FAF2: variants seen among roughly 807,000 people sequenced by gnomAD.
FAF2 encodes the protein Fas associated factor family member 2, also known as FAS-associated factor 2.
Under a neutral mutation model 62.3 loss-of-function variants are expected in FAF2, and 9 were observed. That is an observed-to-expected ratio of 0.14 (90% CI 0.09 to 0.25). The LOEUF is 0.25. Ranked by LOEUF, FAF2 falls within the 10% of genes least tolerant of loss-of-function variation. The pLI is 1.00. For missense variants in FAF2, 368 were observed against 556.2 expected (o/e 0.66, Z 3.40); for synonymous variants, 202 against 198.0 (o/e 1.02, Z -0.17).
chr5:176,470,069 T>C (rs1169320753), intron 1 of FAF2, among the ~76,000 whole-genome samples: 1 of 152,194 alleles, frequency 6.6e-6, no homozygotes, highest in African/African-American at 2.4e-5. Context: ...TCAGCATGCA[T>C]ACAGTCTAGA....
intron 1 of FAF2, among the ~76,000 whole-genome samples, chr5:176,463,412 T>C (rs1459951590): frequency 6.6e-6 from 1 of 151,944 alleles, no homozygotes; most frequent in Non-Finnish European, 1.5e-5. Flanking sequence ...TAATGAAAGA[T>C]AATTTATTTG....
chr5:176,455,125 G>T (rs1175823476), intron 1 of FAF2, among the ~76,000 whole-genome samples: 4 of 152,172 alleles, frequency 2.6e-5, no homozygotes, highest in Non-Finnish European at 5.9e-5. Context: ...AACTGTAAAT[G>T]ACTTAGGGAG....
intron 3 of FAF2, among the ~76,000 whole-genome samples, chr5:176,487,710 T>C (rs905050875): frequency 6.6e-6 from 1 of 152,218 alleles, no homozygotes; most frequent in Non-Finnish European, 1.5e-5. Context: ...GCATTATTAC[T>C]AAGATAAGCA....
intron 2 of FAF2, 142 bp from the exon 3 acceptor site, chr5:176,486,213 C>G (rs1005180365): frequency 1.1e-6 from 1 of 933,280 alleles, no homozygotes; most frequent in African/African-American, 1.7e-5. Flanking sequence ...GTTAACAGGC[C>G]CATGAAGGTG....
chr5:176,494,363 G>A lies in FAF2; in HGVS notation c.661+88G>A, dbSNP rs1759026025. 2.6e-6 allele frequency: 3 copies of A among 1,136,440 alleles called. No homozygotes were observed. The highest frequency in any genetic ancestry group is 4.0e-6 in the Non-Finnish European group (3 of 748,366). 70.4% of individuals were successfully genotyped at this position (1,136,440 alleles called of 1,614,324 possible). A position where few individuals can be genotyped will look rare whatever the true frequency, so the allele number is the denominator to read the frequency against. ...ACATGCCATGCCATTTATTACAAGT[G>A]TGTTTGTTCTGTGGTAGATACGACG... On this transcript the variant is annotated intron_variant, in intron 7 of 10. Transcript: ENST00000261942. The surrounding 1 kb of genome is among the most constrained non-coding windows in gnomAD (Gnocchi z 4.0).
Position 176,494,398 on chromosome 5 carries a change from AT to A in FAF2, c.661+127del. ...TGTGGTAGATACGACGCTAGTTGCT[AT>A]TTTATATTGTCTCATTTAATCCTCT... On this transcript the variant is annotated intron_variant, in intron 7 of 10. Coordinates refer to ENST00000261942, the MANE Select transcript of FAF2 (RefSeq NM_014613.3). The surrounding 1 kb of genome is among the most constrained non-coding windows in gnomAD (Gnocchi z 4.0). The A allele has an allele frequency of 1.3e-6, 1 of 780,440 alleles. No individual in the cohort carries two copies. The highest frequency in any genetic ancestry group is 2.2e-6 in the Non-Finnish European group (1 of 449,398). 48.3% of individuals were successfully genotyped at this position (780,440 alleles called of 1,614,324 possible).
Position 176,494,896 on chromosome 5 carries a change from C to T in FAF2, c.661+621C>T, listed in dbSNP as rs1162282008. 6.6e-6 allele frequency among the ~76,000 whole-genome samples: 1 copy of T among 152,164 alleles called. No individual in the cohort carries two copies. The highest frequency in any genetic ancestry group is 1.9e-4 in the East Asian group (1 of 5,196). On this transcript the variant is annotated intron_variant, in intron 7 of 10. Coordinates refer to ENST00000261942, the MANE Select transcript of FAF2 (RefSeq NM_014613.3). The surrounding 1 kb of genome is among the most constrained non-coding windows in gnomAD (Gnocchi z 4.0). ...GTCGGGTCTGCCAGATTCTAAAGCC[C>T]GTTCTTCACATTCAGCATTGCCAAA... is the stretch of plus-strand genomic sequence containing the variant.
chr5:176,498,604 G>T (rs995970331), intron 8 of FAF2, among the ~76,000 whole-genome samples: 15 of 152,178 alleles, frequency 9.9e-5, no homozygotes, highest in Non-Finnish European at 1.6e-4. Flanking sequence ...TGTAAAATAT[G>T]ATATTGATGA....
intron 10 of FAF2, 145 bp downstream of exon 10, chr5:176,500,291 A>T: frequency 1.3e-6 from 1 of 796,826 alleles, no homozygotes; most frequent in Non-Finnish European, 2.0e-6. Context: ...TGGGTATGCC[A>T]TCCGTGGACA....
intron 3 of FAF2, 106 bp from the exon 4 acceptor site, chr5:176,488,844 AC>A (rs1758920517): frequency 1.2e-6 from 1 of 839,344 alleles, no homozygotes; most frequent in Non-Finnish European, 2.0e-6. Context: ...CTTTAGAGGA[AC>A]AAATCACATG....
intron 1 of FAF2, 118 bp downstream of exon 1, chr5:176,448,588 C>G: frequency 9.7e-7 from 1 of 1,032,168 alleles, no homozygotes; most frequent in Admixed American, 2.8e-5. Flanking sequence ...CAGGCCGGCC[C>G]CCTCCCCCCC....
At chr5:176,457,212 G>T (rs982500554) in intron 1 of FAF2, among the ~76,000 whole-genome samples, 2 of 151,892 alleles carry the variant, frequency 1.3e-5, no homozygotes, top group African/African-American at 4.8e-5. Flanking sequence ...TTTTTGAGAC[G>T]GAGTTTCGCT....
chr5:176,477,817 G>C (rs1319654365), intron 1 of FAF2, among the ~76,000 whole-genome samples: 1 of 152,156 alleles, frequency 6.6e-6, no homozygotes, highest in Non-Finnish European at 1.5e-5. Context: ...CCTGTCCGTG[G>C]CCATGGGGTG....
chr5:176,449,400 C>T (rs1028468866), intron 1 of FAF2, among the ~76,000 whole-genome samples: 1 of 152,312 alleles, frequency 6.6e-6, no homozygotes, highest in Middle Eastern at 3.4e-3. Flanking sequence ...TATGGTGAAA[C>T]CCCGTCTCTA....
In FAF2 at chr5:176,507,079, A is replaced by AT. The variant is rs906872435; in HGVS notation, c.*137dup. On this transcript the variant is annotated 3_prime_UTR_variant, in exon 11 of 11. Transcript: ENST00000261942. ...ATTATTATTATTATTATAATACAAT[A>AT]TTTTTTTTAAAAGACTGCTGCATCC... The AT allele has an allele frequency of 6.3e-5, 33 of 521,942 alleles. No individual in the cohort carries two copies. The highest frequency in any genetic ancestry group is 9.8e-5 in the Admixed American group (2 of 20,480). 32.3% of individuals were successfully genotyped at this position (521,942 alleles called of 1,614,324 possible).
At chr5:176,457,283 G>C (rs565618008) in intron 1 of FAF2, among the ~76,000 whole-genome samples, 8 of 152,228 alleles carry the variant, frequency 5.3e-5, no homozygotes, top group Non-Finnish European at 1.0e-4. Context: ...TTGTCTCCCA[G>C]GTTCAAGTGA....
intron 1 of FAF2, among the ~76,000 whole-genome samples, chr5:176,451,399 C>T (rs1461515767): frequency 5.9e-5 from 9 of 151,870 alleles, no homozygotes; most frequent in South Asian, 2.1e-4. Context: ...TAAGTAGAGA[C>T]GGGAGTCTTG....
At chr5:176,450,202 G>T (rs1390385829) in intron 1 of FAF2, among the ~76,000 whole-genome samples, 1 of 152,214 alleles carries the variant, frequency 6.6e-6, no homozygotes, top group African/African-American at 2.4e-5. Flanking sequence ...TGTGTTGGAA[G>T]TGTATAAATG....
In FAF2 at chr5:176,494,878, C is replaced by T. The variant is rs984870547; in HGVS notation, c.661+603C>T. Among the ~76,000 whole-genome samples, 4 of 152,162 alleles carry T rather than the reference C, an allele frequency of 2.6e-5. No homozygotes were observed. Among genetic ancestry groups the T allele is most frequent in the African/African-American group, 9.7e-5 (4 of 41,418 alleles). On this transcript the variant is annotated intron_variant, in intron 7 of 10. Transcript: ENST00000261942. The surrounding 1 kb of genome is among the most constrained non-coding windows in gnomAD (Gnocchi z 4.0). Reference sequence around the variant, plus strand: ...AGCAAGTTGTAGCGTACAGTCGGGTCTGCCAGATTCTAAAGCCCGTTCTTC... The same window carrying T: ...AGCAAGTTGTAGCGTACAGTCGGGTTTGCCAGATTCTAAAGCCCGTTCTTC...
Sources: gnomAD v4.1 joint callset for allele counts (sites outside exome capture counted in the v4.1 genomes callset) on GRCh38, gnomAD v4.1.1 for gene constraint, Gnocchi (gnomAD v3.1) non-coding constraint, MANE v1.5 for transcripts, NCBI Gene and HGNC (gene_info 2026-07-23, HGNC 2026-07-21) for gene names.